The following D2HGDH variants were observed in gnomAD, a reference collection of about 807,000 sequenced individuals.
D2HGDH encodes the protein D-2-hydroxyglutarate dehydrogenase, mitochondrial.
A neutral mutation model predicts 46.9 loss-of-function variants in D2HGDH; 31 were observed. The observed-to-expected ratio is 0.66, with a 90% confidence interval of 0.50 to 0.89. The LOEUF (loss-of-function observed/expected upper bound fraction) is 0.89. D2HGDH is among the 40% of genes least tolerant of loss of function. The probability of loss-of-function intolerance (pLI) is 0.00; values close to 1 mark genes in which losing one functional copy is unlikely to be tolerated. For missense variants in D2HGDH, 698 were observed against 720.8 expected (o/e 0.97, Z 0.36); for synonymous variants, 364 against 332.6 (o/e 1.09, Z -1.03).
In D2HGDH at chr2:241,750,074, G is replaced by A. The variant is rs564611659; in HGVS notation, c.854-77G>A. 4.8e-5 allele frequency: 78 copies of A among 1,609,168 alleles called. No individual in the cohort carries two copies. In the African/African-American group the frequency reaches 9.1e-4, roughly 19 times the overall value. ...ACCCACCCACATGAGTCGGGCTGAT[G>A]TTGCTGCTTTGAAGGGGGACTTGGG... is the stretch of plus-strand genomic sequence containing the variant. On this transcript the variant is annotated intron_variant, in intron 6 of 9. Coordinates refer to ENST00000321264, the MANE Select transcript of D2HGDH (RefSeq NM_152783.5).
At position 241,746,117 on chromosome 2, in the gene D2HGDH, A is replaced by G. The variant is rs140856552; in HGVS notation, c.853+1240A>G. Among the ~76,000 whole-genome samples, 107 of 152,234 alleles carry G rather than the reference A, an allele frequency of 7.0e-4. 1 individual carries two copies. Among genetic ancestry groups the G allele is most frequent in the Non-Finnish European group, 1.4e-3 (94 of 68,012 alleles). On this transcript the variant is annotated intron_variant, in intron 6 of 9. Coordinates refer to ENST00000321264, the MANE Select transcript of D2HGDH (RefSeq NM_152783.5). The stretch of plus-strand genomic sequence containing the variant: ...TTACCAGTTCTAGAAATTCTTAGCC[A>G]TTATTGCTTCAGATATTGTCTGTGT...
At chr2:241,761,717 C>A (rs1698839724) in intron 9 of D2HGDH, among the ~76,000 whole-genome samples, 1 of 152,148 alleles carries the variant, frequency 6.6e-6, no homozygotes. Context: ...CTGCCTTGTT[C>A]AGTCACACAT....
intron 2 of D2HGDH, among the ~76,000 whole-genome samples, chr2:241,736,621 T>C (rs1692901989): frequency 6.6e-6 from 1 of 152,126 alleles, no homozygotes. Flanking sequence ...TCCAGGATGA[T>C]CGTATCTCAG....
At chr2:241,739,073 G>A (rs1174499489) in intron 2 of D2HGDH, among the ~76,000 whole-genome samples, 4 of 152,212 alleles carry the variant, frequency 2.6e-5, no homozygotes, top group Admixed American at 6.5e-5. Context: ...AACAGGCTGG[G>A]CCCCTGTGTC....
chr2:241,759,594 T>C (rs1698546511), intron 9 of D2HGDH, among the ~76,000 whole-genome samples: 1 of 152,200 alleles, frequency 6.6e-6, no homozygotes, highest in Non-Finnish European at 1.5e-5. Flanking sequence ...CTTGCGTACT[T>C]GTTTGCCGTC....
intron 6 of D2HGDH, 124 bp from the exon 7 acceptor site, chr2:241,750,027 G>A: frequency 7.0e-7 from 1 of 1,438,460 alleles, no homozygotes; most frequent in Non-Finnish European, 9.6e-7. Context: ...CAGTCCTCGT[G>A]CTCCTCGTGG....
At chr2:241,751,530 A>G (rs1697200977) in intron 8 of D2HGDH, 142 bp downstream of exon 8, 1 of 1,311,178 alleles carries the variant, frequency 7.6e-7, no homozygotes. Flanking sequence ...GCTTTGAGAG[A>G]GTAGCCTCTT....
intron 2 of D2HGDH, among the ~76,000 whole-genome samples, chr2:241,737,308 G>C (rs1693196301): frequency 2.0e-5 from 3 of 152,204 alleles, no homozygotes; most frequent in Admixed American, 6.5e-5. Context: ...AGGTCTTGGG[G>C]CATTGGGAAG....
intron 2 of D2HGDH, among the ~76,000 whole-genome samples, chr2:241,736,467 T>C (rs895176473): frequency 2.0e-5 from 3 of 152,264 alleles, no homozygotes; most frequent in Admixed American, 6.5e-5. Flanking sequence ...CCTTCCTGCC[T>C]CTTGTAGCTC....
rs965528162 is a variant in D2HGDH, at chr2:241,768,177, C to T, written c.*208C>T. 5 of 786,256 alleles carry T rather than the reference C, an allele frequency of 6.4e-6. No homozygotes were observed. The highest frequency in any genetic ancestry group is 3.5e-5 in the African/African-American group (2 of 56,966). 48.7% of individuals were successfully genotyped at this position (786,256 alleles called of 1,614,324 possible). A position where few individuals can be genotyped will look rare whatever the true frequency, so the allele number is the denominator to read the frequency against. On this transcript the variant is annotated 3_prime_UTR_variant, in exon 10 of 10. Coordinates refer to ENST00000321264, the MANE Select transcript of D2HGDH (RefSeq NM_152783.5). ...GAGTGGGGGGCGTGGCAGGCACCCT[C>T]CTTTGCAGGGCGAGGTGGGGCCTCT...
chr2:241,762,560 G>A (rs1698924960), intron 9 of D2HGDH, among the ~76,000 whole-genome samples: 1 of 152,138 alleles, frequency 6.6e-6, no homozygotes. Context: ...AGCCACCAGA[G>A]CCTCTTCAAA....
intron 8 of D2HGDH, among the ~76,000 whole-genome samples, chr2:241,752,987 C>G (rs186154545): frequency 2.0e-5 from 3 of 152,006 alleles, no homozygotes; most frequent in African/African-American, 7.3e-5. Context: ...ACATCAGTCC[C>G]CAGCCCCTCC....
chr2:241,750,739 G>A (rs1697030253), intron 7 of D2HGDH, among the ~76,000 whole-genome samples: 1 of 152,066 alleles, frequency 6.6e-6, no homozygotes, highest in Admixed American at 6.5e-5. Flanking sequence ...GCAATGTCAC[G>A]ATCTTGGCTC....
intron 6 of D2HGDH, among the ~76,000 whole-genome samples, chr2:241,745,906 G>A (rs1695743079): frequency 6.6e-6 from 1 of 152,162 alleles, no homozygotes; most frequent in Non-Finnish European, 1.5e-5. Flanking sequence ...CCTCCTCGCT[G>A]TTGGGAACTT....
rs181691676 is a variant in D2HGDH at position 241,737,021 on chromosome 2, T to C, written c.292+1505T>C. 2.0e-3 allele frequency among the ~76,000 whole-genome samples: 310 copies of C among 152,058 alleles called. 5 individuals are homozygous for C. In the South Asian group the frequency reaches 0.022, roughly 11 times the overall value. ...TCTCGCTCTGTTGCCCAGGCTGGAG[T>C]GCAGTGGCGTGATCTCGGCTTACTG... On this transcript the variant is annotated intron_variant, in intron 2 of 9. Coordinates refer to ENST00000321264, the MANE Select transcript of D2HGDH (RefSeq NM_152783.5).
At chr2:241,750,421 C>A (rs1057378101) in intron 7 of D2HGDH, 127 bp downstream of exon 7, 1 of 1,142,184 alleles carries the variant, frequency 8.8e-7, no homozygotes, top group Non-Finnish European at 1.2e-6. Flanking sequence ...GGTCCCTGGG[C>A]GGAGCATGGA....
intron 7 of D2HGDH, among the ~76,000 whole-genome samples, chr2:241,750,559 G>A (rs1177541745): frequency 1.3e-5 from 2 of 152,234 alleles, no homozygotes; most frequent in East Asian, 3.9e-4. Flanking sequence ...AGGACGGGAA[G>A]GAACTAAGTG....
At chr2:241,738,485 G>A (rs946643273) in intron 2 of D2HGDH, among the ~76,000 whole-genome samples, 2 of 152,222 alleles carry the variant, frequency 1.3e-5, no homozygotes, top group African/African-American at 2.4e-5. Flanking sequence ...CAGCCTGCTC[G>A]GAGGCCAGCA....
chr2:241,748,883 C>G, intron 6 of D2HGDH: 1 of 1,299,024 alleles, frequency 7.7e-7, no homozygotes, highest in Non-Finnish European at 1.0e-6. Flanking sequence ...GTGCCGCCCG[C>G]CTGTGGTCCT....
Sources: allele counts gnomAD v4.1 joint callset (sites outside exome capture counted in the v4.1 genomes callset), GRCh38; gene constraint gnomAD v4.1.1; transcripts MANE v1.5; gene names NCBI Gene and HGNC (gene_info 2026-07-23, HGNC 2026-07-21).